CAD: variants seen among roughly 807,000 people sequenced by gnomAD.
CAD encodes carbamoyl-phosphate synthetase 2, aspartate transcarbamylase, and dihydroorotase.
In CAD, 81 loss-of-function variants were observed where a neutral mutation model predicts 237.2. The observed-to-expected ratio is 0.34, with a 90% CI of 0.29 to 0.41. The LOEUF (loss-of-function observed/expected upper bound fraction) is 0.41. Among genes scored for constraint, CAD ranks in the 10% least tolerant of loss-of-function variants. The pLI is 1.00. For missense variants in CAD, 2,181 were observed against 2,951.7 expected, an observed-to-expected ratio of 0.74 and a Z score of 6.05; for synonymous variants, 1,196 against 1,162.8, an observed-to-expected ratio of 1.03 and a Z score of -0.58.
In CAD at chr2:27,224,958, G is replaced by A; in HGVS notation, c.1387-52G>A. On this transcript the variant is annotated intron_variant, in intron 10 of 43. Transcript: ENST00000264705. The stretch of plus-strand genomic sequence containing the variant: ...CACTGTGGGTTATTAAACTTTGATT[G>A]CCTCTCTACCCACAAGGTTCTGATG... 3 of 1,607,530 alleles carry A rather than the reference G, an allele frequency of 1.9e-6. No homozygotes were observed. The South Asian group carries it at 3.3e-5, about 18-fold the overall frequency.
chr2:27,218,092 T>C (rs1335237269), intron 2 of CAD, 76 bp downstream of exon 2: 1 of 1,337,012 alleles, frequency 7.5e-7, no homozygotes, highest in Admixed American at 2.4e-5. Flanking sequence ...TAGGAGACGT[T>C]GACACCCTGC....
In CAD at chr2:27,222,455, AG is replaced by A. The variant is rs1248413429; in HGVS notation, c.496-62del. The A allele has an allele frequency of 1.9e-6, 3 of 1,589,088 alleles. No homozygotes were observed. In the East Asian group the frequency reaches 6.8e-5, roughly 36 times the overall value. On this transcript the variant is annotated intron_variant, in intron 4 of 43. Coordinates refer to ENST00000264705, the MANE Select transcript of CAD (RefSeq NM_004341.5). ...AGGCTTTGAAGGTAGGAGTTGGTGC[AG>A]GCATATCTTATACCCACTGAGCACA...
chr2:27,228,818 G>A (rs1445257239), intron 15 of CAD, among the ~76,000 whole-genome samples: 7 of 151,948 alleles, frequency 4.6e-5, no homozygotes, highest in South Asian at 4.2e-4. Context: ...TTGAACGCCC[G>A]TGCTCAGGTG....
In CAD at chr2:27,236,666, G is replaced by A. The variant is rs1307380423; in HGVS notation, c.4315-83G>A. ...AGATGGTGGGTATAGAGTGTGCAGA[G>A]CCTGGTTTATGGGAAAACCACATCT... On this transcript the variant is annotated intron_variant, in intron 26 of 43. Transcript: ENST00000264705. This position sits in a 1 kb window ranked among gnomAD's most constrained non-coding sequence, Gnocchi z 4.1. 2.6e-6 allele frequency: 4 copies of A among 1,554,100 alleles called. No homozygotes were observed. Among genetic ancestry groups the A allele is most frequent in the African/African-American group, 1.4e-5 (1 of 73,650 alleles).
Position 27,241,985 on chromosome 2 carries a change from G to C in CAD, c.5958G>C (p.Arg1986=), listed in dbSNP as rs144929238. The part of the protein sequence containing the change: ...TSSSFAAAMA[R]LGGAVLSFSE... ...GCTCCTTTGCAGCAGCCATGGCCCG[G>C]CTGGGAGGTGCTGTGCTCAGCTTCT... Residue 1986 remains arginine, a synonymous_variant, in exon 39 of 44, where the codon CGG becomes CGC. Coordinates refer to ENST00000264705, the MANE Select transcript of CAD (RefSeq NM_004341.5). The surrounding 1 kb of genome is among the most constrained non-coding windows in gnomAD (Gnocchi z 4.6). 1.5e-4 allele frequency: 234 copies of C among 1,613,336 alleles called. No individual in the cohort carries two copies. The highest frequency in any genetic ancestry group is 1.9e-4 in the Non-Finnish European group (225 of 1,180,030).
In CAD at chr2:27,240,738, C is replaced by T; in HGVS notation, c.5594-173C>T. The T allele has an allele frequency of 8.2e-7, 1 of 1,219,480 alleles. No homozygotes were observed. The allele number at this position is 1,219,480 out of a possible 1,614,324, so 75.5% of individuals were successfully genotyped here. The stretch of plus-strand genomic sequence containing the variant: ...CCATACAACACAGCCCCATGGGAAG[C>T]CACCTGTCTGTCCCCAGAGCTGCTG... On this transcript the variant is annotated intron_variant, in intron 35 of 43. Coordinates refer to ENST00000264705, the MANE Select transcript of CAD (RefSeq NM_004341.5). The surrounding 1 kb of genome is among the most constrained non-coding windows in gnomAD (Gnocchi z 4.6).
At position 27,225,303 on chromosome 2, in the gene CAD, CTTTTTTTTTT is replaced by C. The variant is rs1221617250; in HGVS notation, c.1620+71_1620+80del. The C allele has an allele frequency of 5.7e-4, 307 of 542,782 alleles. 2 individuals are homozygous for C. The East Asian group carries it at 9.2e-3, about 16-fold the overall frequency. The allele number at this position is 542,782 out of a possible 1,614,324, so 33.6% of individuals were successfully genotyped here. A position where few individuals can be genotyped will look rare whatever the true frequency, so the allele number is the denominator to read the frequency against. On this transcript the variant is annotated intron_variant, in intron 11 of 43. Coordinates refer to ENST00000264705, the MANE Select transcript of CAD (RefSeq NM_004341.5). Reference sequence around the variant, plus strand: ...GTGTTTTTTTTGGTAGTGTTATTTTCTTTTTTTTTTTTTTTTTTTTGAGACGGAGTTTCGC... The same window carrying C: ...GTGTTTTTTTTGGTAGTGTTATTTTCTTTTTTTTTTGAGACGGAGTTTCGC...
At chr2:27,218,983 C>T (rs1185674708) in intron 2 of CAD, among the ~76,000 whole-genome samples, 2 of 152,228 alleles carry the variant, frequency 1.3e-5, no homozygotes, top group Non-Finnish European at 2.9e-5. Flanking sequence ...TACAAATACA[C>T]TGCATTCTAG....
Position 27,239,411 on chromosome 2 carries a change from A to G in CAD, c.5334A>G (p.Lys1778=). The change falls in exon 33 of 44, where the codon AAA becomes AAG. Residue 1778 remains lysine, a synonymous_variant. Transcript: ENST00000264705. The surrounding 1 kb of genome is among the most constrained non-coding windows in gnomAD (Gnocchi z 4.0). The stretch of plus-strand genomic sequence containing the variant: ...ACTGGACACCTTTTGAAGGGCAGAA[A>G]GTGAAGGGCACCGTCCGCCGTGTGG... ...KAHWTPFEGQ[K]VKGTVRRVVL... 6.2e-7 allele frequency: 1 copy of G among 1,614,122 alleles called. No homozygotes were observed. Among genetic ancestry groups the G allele is most frequent in the Non-Finnish European group, 8.5e-7 (1 of 1,180,000 alleles).
Position 27,231,458 on chromosome 2 carries a change from G to A in CAD, c.2288-10G>A. 6.5e-7 allele frequency: 1 copy of A among 1,533,092 alleles called. No individual in the cohort carries two copies. The highest frequency in any genetic ancestry group is 9.0e-7 in the Non-Finnish European group (1 of 1,106,110). 95.0% of individuals were successfully genotyped at this position (1,533,092 alleles called of 1,614,324 possible). On this transcript the variant is annotated splice_polypyrimidine_tract_variant and intron_variant, in intron 15 of 43. Coordinates refer to ENST00000264705, the MANE Select transcript of CAD (RefSeq NM_004341.5). ...TCCACACCTTCATTCCTTCCATTCT[G>A]TTCTTCCAGGTGAAGTCATGGGCAT... is the stretch of plus-strand genomic sequence containing the variant.
At chr2:27,218,535 A>G (rs1311969366) in intron 2 of CAD, among the ~76,000 whole-genome samples, 4 of 152,160 alleles carry the variant, frequency 2.6e-5, no homozygotes, top group Non-Finnish European at 4.4e-5. Flanking sequence ...AGAGACTGGA[A>G]ACTAGGGTCA....
rs1255760889 is a variant in CAD at position 27,237,636 on chromosome 2, C to G, written c.4564-82C>G. On this transcript the variant is annotated intron_variant, in intron 28 of 43. Coordinates refer to ENST00000264705, the MANE Select transcript of CAD (RefSeq NM_004341.5). This position sits in a 1 kb window ranked among gnomAD's most constrained non-coding sequence, Gnocchi z 4.0. ...TGAGCCCTTTTCCTTCTGCCCCGCCCTATGGGCCCAGGCCACTGGTGCCAG... is the reference window on the plus strand; with the variant it reads ...TGAGCCCTTTTCCTTCTGCCCCGCCGTATGGGCCCAGGCCACTGGTGCCAG... 3 of 1,573,922 alleles carry G rather than the reference C, an allele frequency of 1.9e-6. No homozygotes were observed. The highest frequency in any genetic ancestry group is 2.6e-6 in the Non-Finnish European group (3 of 1,157,376).
chr2:27,225,556 C>CCCCT (rs1675407627), intron 11 of CAD, 149 bp from the exon 12 acceptor site: 1 of 646,138 alleles, frequency 1.5e-6, no homozygotes, highest in Admixed American at 2.6e-5. Flanking sequence ...TCCACCCCCC[C>CCCCT]GACCCTCGGC....
Position 27,226,024 on chromosome 2 carries a change from C to T in CAD, c.1842+98C>T, listed in dbSNP as rs991798097. 9 of 1,483,770 alleles carry T rather than the reference C, an allele frequency of 6.1e-6. No homozygotes were observed. The African/African-American group carries it at 1.1e-4, about 18-fold the overall frequency. The allele number at this position is 1,483,770 out of a possible 1,614,324, so 91.9% of individuals were successfully genotyped here. On this transcript the variant is annotated intron_variant, in intron 12 of 43. Transcript: ENST00000264705. ...AGGTCTTTGAGAGTTGTATGTCCCT[C>T]AGACCCAGGTTAGGTGCAGCCCCAG...
chr2:27,232,334 T>C lies in CAD; in HGVS notation c.2645+110T>C. On this transcript the variant is annotated intron_variant, in intron 17 of 43. Coordinates refer to ENST00000264705, the MANE Select transcript of CAD (RefSeq NM_004341.5). The surrounding 1 kb of genome is among the most constrained non-coding windows in gnomAD (Gnocchi z 4.1). Reference sequence around the variant, plus strand: ...GAGAGTGTGGGAGAGCTTTAGAGGCTTCTGACCTTGGTTCCAAGGATATTT... The same window carrying C: ...GAGAGTGTGGGAGAGCTTTAGAGGCCTCTGACCTTGGTTCCAAGGATATTT... 5 of 1,575,008 alleles carry C rather than the reference T, an allele frequency of 3.2e-6. No individual in the cohort carries two copies. The South Asian group carries it at 5.9e-5, about 19-fold the overall frequency.
chr2:27,219,821 A>G (rs1675065874), intron 2 of CAD, among the ~76,000 whole-genome samples: 1 of 152,038 alleles, frequency 6.6e-6, no homozygotes, highest in African/African-American at 2.4e-5. Flanking sequence ...ACTCCCGATC[A>G]CAGGTGATCT....
rs547091678 is a variant in CAD, at chr2:27,235,036, G to T, written c.3787-209G>T. On this transcript the variant is annotated intron_variant, in intron 23 of 43. Transcript: ENST00000264705. This position sits in a 1 kb window ranked among gnomAD's most constrained non-coding sequence, Gnocchi z 5.2. The stretch of plus-strand genomic sequence containing the variant: ...TATTTGAATTGAGTTTTGAAGGATG[G>T]TTAAGGTTTTTTATTTGCAAGGGCA... Among the ~76,000 whole-genome samples, 6 of 152,318 alleles carry T rather than the reference G, an allele frequency of 3.9e-5. No individual in the cohort carries two copies. Among genetic ancestry groups the T allele is most frequent in the Admixed American group, 3.9e-4 (6 of 15,296 alleles).
intron 3 of CAD, among the ~76,000 whole-genome samples, chr2:27,221,879 A>G (rs989395005): frequency 4.6e-5 from 6 of 130,576 alleles, no homozygotes; most frequent in African/African-American, 1.8e-4. Context: ...AAAACAGGTC[A>G]TTTTTCCTGT....
chr2:27,233,757 C>T lies in CAD; in HGVS notation c.3348C>T (p.Ala1116=), dbSNP rs771346392. 5.3e-5 allele frequency: 85 copies of T among 1,613,986 alleles called. No homozygotes were observed. The highest frequency in any genetic ancestry group is 2.5e-4 in the South Asian group (23 of 91,086). The change falls in exon 21 of 44, where the codon GCC becomes GCT. Residue 1116 remains alanine (A), a synonymous_variant. Coordinates refer to ENST00000264705, the MANE Select transcript of CAD (RefSeq NM_004341.5). The surrounding 1 kb of genome is among the most constrained non-coding windows in gnomAD (Gnocchi z 6.3). ...DLERFLSSAA[A]VSKEHPVVIS... Reference sequence around the variant, plus strand: ...AGCGCTTCCTGAGCAGCGCAGCAGCCGTCTCCAAAGAGCATCCCGTGGTCA... The same window carrying T: ...AGCGCTTCCTGAGCAGCGCAGCAGCTGTCTCCAAAGAGCATCCCGTGGTCA...
Sources: allele counts gnomAD v4.1 joint callset (sites outside exome capture counted in the v4.1 genomes callset), GRCh38; gene constraint gnomAD v4.1.1; non-coding constraint Gnocchi (gnomAD v3.1); transcripts MANE v1.5; gene names NCBI Gene and HGNC (gene_info 2026-07-23, HGNC 2026-07-21).